IWS1: variants seen among roughly 807,000 people sequenced by gnomAD.
IWS1 encodes protein IWS1 homolog.
IWS1 carries 27 observed loss-of-function variants against 86.7 expected under a neutral mutation model. That is an observed-to-expected ratio of 0.31 (90% confidence interval 0.23 to 0.43). IWS1 has a LOEUF of 0.43. Ranked by LOEUF, IWS1 falls within the 20% of genes least tolerant of loss-of-function variation. IWS1 has a pLI of 1.00. For synonymous variants in IWS1, 313 were observed against 335.1 expected, an observed-to-expected ratio of 0.93 and a Z score of 0.72; for missense variants, 827 against 1,000.8, an observed-to-expected ratio of 0.83 and a Z score of 2.34.
At chr2:127,518,623 T>C (rs568901025) in intron 2 of IWS1, among the ~76,000 whole-genome samples, 1 of 144,468 alleles carries the variant, frequency 6.9e-6, no homozygotes, top group African/African-American at 2.6e-5. Context: ...TAGAGTACAA[T>C]GGCGTGATCT....
intron 12 of IWS1, among the ~76,000 whole-genome samples, chr2:127,488,551 T>A (rs1398333035): frequency 6.6e-6 from 1 of 152,226 alleles, no homozygotes; most frequent in Non-Finnish European, 1.5e-5. Flanking sequence ...GTTTCCCAAC[T>A]ACCACCTCTG....
chr2:127,491,793 T>TA (rs2104667345), intron 10 of IWS1, among the ~76,000 whole-genome samples, 178 bp downstream of exon 10: 1 of 151,460 alleles, frequency 6.6e-6, no homozygotes, highest in East Asian at 1.9e-4. Flanking sequence ...TATATTGAGG[T>TA]TTTTTTTTAA....
chr2:127,480,909 G>A lies in IWS1; in HGVS notation c.*135C>T. The A allele has an allele frequency of 2.2e-6, 2 of 891,960 alleles. No homozygotes were observed. Among genetic ancestry groups the A allele is most frequent in the East Asian group, 2.7e-5 (1 of 36,878 alleles). 55.3% of individuals were successfully genotyped at this position (891,960 alleles called of 1,614,324 possible). On this transcript the variant is annotated 3_prime_UTR_variant, in exon 14 of 14. Coordinates refer to ENST00000295321, the MANE Select transcript of IWS1 (RefSeq NM_017969.3). Reference sequence around the variant, plus strand: ...GGTTTTAAATATAACTGAGAGAAATGTGAGTCCTATGACAACATCTGATAC... The same window carrying A: ...GGTTTTAAATATAACTGAGAGAAATATGAGTCCTATGACAACATCTGATAC...
chr2:127,514,880 G>A (rs1691686302), intron 2 of IWS1: 2 of 152,278 alleles, frequency 1.3e-5, no homozygotes, highest in Non-Finnish European at 2.9e-5. Flanking sequence ...AGTGGGCAGG[G>A]TGAGTCCAGG....
intron 2 of IWS1, among the ~76,000 whole-genome samples, chr2:127,521,862 A>T (rs1474783626): frequency 3.3e-5 from 5 of 152,216 alleles, no homozygotes; most frequent in Non-Finnish European, 7.3e-5. Context: ...GCTTAGGGTA[A>T]CCTGAACTTG....
intron 12 of IWS1, among the ~76,000 whole-genome samples, chr2:127,487,628 G>A (rs988604704): frequency 2.0e-5 from 3 of 152,124 alleles, no homozygotes; most frequent in African/African-American, 4.8e-5. Context: ...TCAGCTCACC[G>A]CGAGCTCCAC....
At chr2:127,508,853 A>G (rs1204197844) in intron 2 of IWS1, among the ~76,000 whole-genome samples, 1 of 152,208 alleles carries the variant, frequency 6.6e-6, no homozygotes, top group Non-Finnish European at 1.5e-5. Flanking sequence ...GGGGCACAGC[A>G]CTGGGAGTCA....
intron 2 of IWS1, chr2:127,514,375 TC>T (rs1691652595): frequency 6.5e-6 from 1 of 154,200 alleles, no homozygotes; most frequent in African/African-American, 2.4e-5. Flanking sequence ...ACTGTACCCC[TC>T]CCTCCCGCTT....
chr2:127,514,134 C>T (rs1333877083), intron 2 of IWS1, among the ~76,000 whole-genome samples: 1 of 152,218 alleles, frequency 6.6e-6, no homozygotes, highest in African/African-American at 2.4e-5. Context: ...CCCATACTCC[C>T]CAATTCTGAG....
chr2:127,482,364 T>C (rs1276526270), intron 13 of IWS1: 4 of 152,200 alleles, frequency 2.6e-5, no homozygotes, highest in Non-Finnish European at 5.9e-5. Context: ...TTTCTAGGAA[T>C]ATCTCAATTC....
intron 2 of IWS1, among the ~76,000 whole-genome samples, chr2:127,506,024 T>C (rs1691130313): frequency 6.6e-6 from 1 of 152,168 alleles, no homozygotes; most frequent in South Asian, 2.1e-4. Flanking sequence ...AAACTGACCG[T>C]GAAGAGCTAG....
chr2:127,518,839 G>A (rs909281185), intron 2 of IWS1, among the ~76,000 whole-genome samples: 1 of 151,962 alleles, frequency 6.6e-6, no homozygotes, highest in Non-Finnish European at 1.5e-5. Context: ...TAAAGTGCTG[G>A]GATTACAGGC....
At chr2:127,486,833 A>C (rs1040887478) in intron 12 of IWS1, among the ~76,000 whole-genome samples, 169 bp from the exon 13 acceptor site, 1 of 152,210 alleles carries the variant, frequency 6.6e-6, no homozygotes, top group Admixed American at 6.5e-5. Flanking sequence ...CCTCCCAGCT[A>C]GCCTGTCATC....
At position 127,504,968 on chromosome 2, in the gene IWS1, G is replaced by A. The variant is rs1178033610; in HGVS notation, c.935C>T (p.Ala312Val). ...SESEGPQKGP[A>V]SDSETEDASR... ...CGCATCCTCAGTTTCTGAGTCACTG[G>A]CAGGCCCCTTCTGAGGCCCCTCACT... Residue 312 changes from alanine (A) to valine (V), a missense_variant, in exon 3 of 14, where the codon GCC becomes GTC. By Grantham distance (64) the Ala-to-Val change is moderately conservative. Transcript: ENST00000295321. 2 of 1,614,068 alleles carry A rather than the reference G, an allele frequency of 1.2e-6. No homozygotes were observed. The highest frequency in any genetic ancestry group is 1.7e-6 in the Non-Finnish European group (2 of 1,180,016).
At chr2:127,513,060 G>C (rs1691559783) in intron 2 of IWS1, among the ~76,000 whole-genome samples, 1 of 152,184 alleles carries the variant, frequency 6.6e-6, no homozygotes, top group Admixed American at 6.5e-5. Context: ...GGCCAATAGG[G>C]TGAAACCCTG....
At position 127,499,172 on chromosome 2, in the gene IWS1, G is replaced by C. The variant is rs1239930473; in HGVS notation, c.1468-935C>G. On this transcript the variant is annotated intron_variant, in intron 5 of 13. Transcript: ENST00000295321. This position sits in a 1 kb window ranked among gnomAD's most constrained non-coding sequence, Gnocchi z 4.0. ...GTGGCGTGATCTCGGCTCACTGCAA[G>C]CTCCACCTCCCGGGTTCATGCCATT... 6.7e-6 allele frequency among the ~76,000 whole-genome samples: 1 copy of C among 150,228 alleles called. No homozygotes were observed. Among genetic ancestry groups the C allele is most frequent in the African/African-American group, 2.5e-5 (1 of 40,716 alleles).
chr2:127,486,376 T>C, intron 13 of IWS1, 177 bp downstream of exon 13: 1 of 531,248 alleles, frequency 1.9e-6, no homozygotes, highest in Non-Finnish European at 3.4e-6. Context: ...TAATCCTGGG[T>C]AATACTTTTC....
intron 7 of IWS1, 57 bp from the exon 8 acceptor site, chr2:127,495,011 A>C: frequency 2.1e-6 from 2 of 965,790 alleles, no homozygotes; most frequent in Admixed American, 4.7e-5. Flanking sequence ...ATTAATATTG[A>C]ATTCACTGTA....
intron 12 of IWS1, chr2:127,488,196 A>G (rs1573505482): frequency 1.3e-5 from 2 of 152,312 alleles, no homozygotes; most frequent in East Asian, 3.8e-4. Context: ...CCCCCTTTCA[A>G]AATTGTTTAG....
Sources: gnomAD v4.1 joint callset for allele counts (sites outside exome capture counted in the v4.1 genomes callset) on GRCh38, gnomAD v4.1.1 for gene constraint, Gnocchi (gnomAD v3.1) non-coding constraint, MANE v1.5 for transcripts, NCBI Gene and HGNC (gene_info 2026-07-23, HGNC 2026-07-21) for gene names.